The following PER2 variants were observed in gnomAD, a reference collection of about 807,000 sequenced individuals.
PER2 encodes the protein period circadian protein homolog 2.
Under a neutral mutation model 121.0 loss-of-function variants are expected in PER2, and 66 were observed. That is an observed-to-expected ratio of 0.55 (90% CI 0.45 to 0.67). PER2 has a LOEUF of 0.67. Ranked by LOEUF, PER2 falls within the 30% of genes least tolerant of loss-of-function variation. The probability of loss-of-function intolerance (pLI) is 0.00; values close to 1 mark genes in which losing one functional copy is unlikely to be tolerated. For synonymous variants in PER2, 684 were observed against 659.9 expected (o/e 1.04, Z -0.56); for missense variants, 1,521 against 1,635.0 (o/e 0.93, Z 1.20).
At chr2:238,250,889 C>CAGA (rs1695580306) in intron 20 of PER2, 146 bp from the exon 21 acceptor site, 1 of 665,900 alleles carries the variant, frequency 1.5e-6, no homozygotes, top group African/African-American at 1.8e-5. Context: ...TGTTCCCCTT[C>CAGA]TCTCCCACTT....
At chr2:238,282,112 G>A (rs1696647838) in intron 1 of PER2, among the ~76,000 whole-genome samples, 2 of 152,176 alleles carry the variant, frequency 1.3e-5, no homozygotes, top group Admixed American at 1.3e-4. Context: ...CACAATTCTA[G>A]TGTGCACAAG....
rs776855420 is a variant in PER2, at chr2:238,258,611, G to A, written c.1661C>T (p.Ala554Val). 2 of 1,614,134 alleles carry A rather than the reference G, an allele frequency of 1.2e-6. No homozygotes were observed. Among genetic ancestry groups the A allele is most frequent in the Non-Finnish European group, 8.5e-7 (1 of 1,180,006 alleles). Residue 554 changes from alanine to valine, a missense_variant, in exon 15 of 23, where the codon GCT becomes GTT. By Grantham distance (64) the Ala-to-Val change is moderately conservative. Transcript: ENST00000254657. ...MQTNPPAEKK[A>V]VPAMEKDSLG... ...GCTGTCCTTTTCCATGGCAGGGACA[G>A]CTTTCTTCTCAGCTGGGGGATTAGT...
At chr2:238,258,703 A>G (rs1258517090) in intron 14 of PER2, 59 bp from the exon 15 acceptor site, 1 of 1,559,298 alleles carries the variant, frequency 6.4e-7, no homozygotes, top group Admixed American at 1.7e-5. Context: ...AACGCTGTGT[A>G]TTTACAAAGC....
chr2:238,297,081 A>G, the PER2 span, among the ~76,000 whole-genome samples: 1 of 152,192 alleles, frequency 6.6e-6, no homozygotes, highest in Admixed American at 6.5e-5. Flanking sequence ...TCAGATCTCT[A>G]CTTGAGACAG....
rs992343008 is a variant in PER2, at chr2:238,245,358, T to C, written c.*1017A>G. On this transcript the variant is annotated 3_prime_UTR_variant, in exon 23 of 23. Coordinates refer to ENST00000254657, the MANE Select transcript of PER2 (RefSeq NM_022817.3). ...TGAGGGCTGTGCACCCAACCCAGGG[T>C]GCAGTGGGAGAGGTGAGCTCACTGC... 1 of 385,158 alleles carries C rather than the reference T, an allele frequency of 2.6e-6. No individual in the cohort carries two copies. The highest frequency in any genetic ancestry group is 4.6e-6 in the Non-Finnish European group (1 of 218,084). The allele number at this position is 385,158 out of a possible 1,614,324, so 23.9% of individuals were successfully genotyped here. A position where few individuals can be genotyped will look rare whatever the true frequency, so the allele number is the denominator to read the frequency against.
At chr2:238,290,264 A>T (rs1396691739), upstream of PER2, among the ~76,000 whole-genome samples, 1 of 152,108 alleles carries the variant, frequency 6.6e-6, no homozygotes, top group East Asian at 1.9e-4. Flanking sequence ...TTCCTCTGAC[A>T]TTGACACCTC....
chr2:238,258,223 T>C, intron 16 of PER2, 53 bp downstream of exon 16: 1 of 1,601,618 alleles, frequency 6.2e-7, no homozygotes, highest in South Asian at 1.1e-5. Context: ...CTGACTCTAC[T>C]CCAGAGGATT....
Position 238,253,490 on chromosome 2 carries a change from G to T in PER2, c.2533C>A (p.Pro845Thr). ...GCTGCTGGCACTGGGGCGGGAAAGGGCACGGCTGGGCAGCTGGACTGGGAC... is the reference window on the plus strand; with the variant it reads ...GCTGCTGGCACTGGGGCGGGAAAGGTCACGGCTGGGCAGCTGGACTGGGAC... The part of the protein sequence containing the change: ...DTSQSSCPAV[P>T]FPAPVPAAYS... Residue 845 changes from proline to threonine, a missense_variant, in exon 19 of 23, where the codon CCC becomes ACC. Pro to Thr is a conservative substitution (Grantham distance 38). Transcript: ENST00000254657. The surrounding 1 kb of genome is among the most constrained non-coding windows in gnomAD (Gnocchi z 5.6). 6.2e-7 allele frequency: 1 copy of T among 1,612,398 alleles called. No homozygotes were observed. The highest frequency in any genetic ancestry group is 8.5e-7 in the Non-Finnish European group (1 of 1,179,482).
In PER2 at chr2:238,268,030, G is replaced by T. The variant is rs200033044; in HGVS notation, c.967+26C>A. ...TGAGGGGGAGCCAGAGACAACATCT[G>T]CCCTCGCCCTGGGCTTGGCTGTTAC... On this transcript the variant is annotated intron_variant, in intron 8 of 22. Coordinates refer to ENST00000254657, the MANE Select transcript of PER2 (RefSeq NM_022817.3). This position sits in a 1 kb window ranked among gnomAD's most constrained non-coding sequence, Gnocchi z 4.0. 6.2e-7 allele frequency: 1 copy of T among 1,612,392 alleles called. No individual in the cohort carries two copies. The highest frequency in any genetic ancestry group is 2.2e-5 in the East Asian group (1 of 44,872).
In PER2 at chr2:238,250,617, T is replaced by C; in HGVS notation, c.3401A>G (p.Asp1134Gly). 1 of 1,614,004 alleles carries C rather than the reference T, an allele frequency of 6.2e-7. No homozygotes were observed. Among genetic ancestry groups the C allele is most frequent in the Non-Finnish European group, 8.5e-7 (1 of 1,179,854 alleles). Residue 1134 changes from aspartate to glycine, a missense_variant, in exon 21 of 23, where the codon GAT becomes GGT. By Grantham distance (94) the Asp-to-Gly change is moderately conservative (BLOSUM62 -1). Coordinates refer to ENST00000254657, the MANE Select transcript of PER2 (RefSeq NM_022817.3). ...ATCTGCCATCAGCAGCCAGATGGGA[T>C]CCTGCAGGACGCACTTAATGAAATG... ...SEHFIKCVLQ[D>G]PIWLLMADAD...
Position 238,259,156 on chromosome 2 carries a change from G to A in PER2, c.1628-512C>T, listed in dbSNP as rs146191202. On this transcript the variant is annotated intron_variant, in intron 14 of 22. Coordinates refer to ENST00000254657, the MANE Select transcript of PER2 (RefSeq NM_022817.3). Reference sequence around the variant, plus strand: ...AAAGAGCTGTGTCCAGCTCATTAGCGTGTCCCCAACACCCAGCACAGAGTC... The same window carrying A: ...AAAGAGCTGTGTCCAGCTCATTAGCATGTCCCCAACACCCAGCACAGAGTC... 4.4e-4 allele frequency among the ~76,000 whole-genome samples: 67 copies of A among 152,328 alleles called. No homozygotes were observed. In the South Asian group the frequency reaches 0.01, roughly 24 times the overall value.
rs1222783945 is a variant in PER2, at chr2:238,253,302, C to T, written c.2721G>A (p.Met907Ile). The T allele has an allele frequency of 6.2e-7, 1 of 1,613,362 alleles. No homozygotes were observed. The highest frequency in any genetic ancestry group is 8.5e-7 in the Non-Finnish European group (1 of 1,179,698). ...CCGAGGGGAAGGAATAACTGGGTAG[C>T]ATGAATGCCATGACAGGCGCCAAAG... ...PAPLAPVMAFMLPSYSFPSGT... is the reference protein window; with the variant it reads ...PAPLAPVMAFILPSYSFPSGT... Residue 907 changes from methionine (M) to isoleucine (I), a missense_variant, in exon 19 of 23, where the codon ATG (methionine) becomes ATA (isoleucine). By Grantham distance (10) the Met-to-Ile change is conservative. Coordinates refer to ENST00000254657, the MANE Select transcript of PER2 (RefSeq NM_022817.3). This position sits in a 1 kb window ranked among gnomAD's most constrained non-coding sequence, Gnocchi z 5.6.
At chr2:238,271,857 GC>G (rs1696298894) in intron 5 of PER2, among the ~76,000 whole-genome samples, 1 of 151,652 alleles carries the variant, frequency 6.6e-6, no homozygotes, top group South Asian at 2.1e-4. Context: ...AGACATACTA[GC>G]CCCGAGATGA....
chr2:238,287,666 A>C (rs947855968), intron 1 of PER2, among the ~76,000 whole-genome samples: 14 of 152,186 alleles, frequency 9.2e-5, no homozygotes, highest in Non-Finnish European at 1.9e-4. Flanking sequence ...CCTGGGCCTC[A>C]GTTTGCTCAT....
At position 238,282,545 on chromosome 2, in the gene PER2, G is replaced by A. The variant is rs569816264; in HGVS notation, c.-19-4590C>T. Among the ~76,000 whole-genome samples the A allele has an allele frequency of 4.6e-5, 7 of 152,356 alleles. No homozygotes were observed. In the South Asian group the frequency reaches 1.4e-3, roughly 32 times the overall value. On this transcript the variant is annotated intron_variant, in intron 1 of 22. Transcript: ENST00000254657. ...GGATAGAGGCCAGAAAGACTGATGTGGGGAGAGTCTCAGACATAGATGAAC... is the reference window on the plus strand; with the variant it reads ...GGATAGAGGCCAGAAAGACTGATGTAGGGAGAGTCTCAGACATAGATGAAC...
intron 1 of PER2, among the ~76,000 whole-genome samples, chr2:238,284,940 A>T (rs370673871): frequency 7.2e-6 from 1 of 139,548 alleles, no homozygotes; most frequent in African/African-American, 2.6e-5. Flanking sequence ...CCCTCCACAG[A>T]TGTGTGCCCA....
Position 238,249,156 on chromosome 2 carries a change from A to G in PER2, c.3524T>C (p.Leu1175Pro), listed in dbSNP as rs1371737627. 2 of 1,613,966 alleles carry G rather than the reference A, an allele frequency of 1.2e-6. No individual in the cohort carries two copies. The highest frequency in any genetic ancestry group is 2.2e-5 in the East Asian group (1 of 44,902). ...CTGACTCTCCGTGAACCTGGGCTGG[A>G]GTTTCTGTAGGAGCTTCAGCTTCTC... ...DREKLKLLQK[L>P]QPRFTESQKQ... Residue 1175 changes from leucine (L) to proline (P), a missense_variant, in exon 22 of 23, where the codon CTC becomes CCC. Coordinates refer to ENST00000254657, the MANE Select transcript of PER2 (RefSeq NM_022817.3).
intron 16 of PER2, among the ~76,000 whole-genome samples, chr2:238,257,475 TTTC>T (rs1414526749): frequency 6.6e-6 from 1 of 152,084 alleles, no homozygotes; most frequent in Non-Finnish European, 1.5e-5. Context: ...ACCCTGTTTC[TTTC>T]TTTTTTCTTT....
intron 14 of PER2, among the ~76,000 whole-genome samples, chr2:238,259,669 C>A (rs1255604300): frequency 6.6e-6 from 1 of 152,242 alleles, no homozygotes; most frequent in Non-Finnish European, 1.5e-5. Context: ...GCTGGCAGGC[C>A]AGGGTGCAGG....
Sources: gnomAD v4.1 joint callset for allele counts (sites outside exome capture counted in the v4.1 genomes callset) on GRCh38, gnomAD v4.1.1 for gene constraint, Gnocchi (gnomAD v3.1) non-coding constraint, MANE v1.5 for transcripts, NCBI Gene and HGNC (gene_info 2026-07-23, HGNC 2026-07-21) for gene names.